Variants in RAPH1 observed in about 807,000 individuals in gnomAD.
The protein encoded by RAPH1 is Ras association (RalGDS/AF-6) and pleckstrin homology domains 1, also known as ras-associated and pleckstrin homology domains-containing protein 1.
In RAPH1, 18 loss-of-function variants were observed where a neutral mutation model predicts 88.1. That is an observed-to-expected ratio of 0.20 (90% CI 0.14 to 0.30). The LOEUF (loss-of-function observed/expected upper bound fraction) is 0.30, where lower values mean the gene tolerates loss of function less well. Among genes scored for constraint, RAPH1 ranks in the 10% least tolerant of loss-of-function variants. The probability of loss-of-function intolerance (pLI) is 1.00; values close to 1 mark genes in which losing one functional copy is unlikely to be tolerated. For synonymous variants in RAPH1, 587 were observed against 559.0 expected (o/e 1.05, Z -0.71); for missense variants, 1,448 against 1,543.2 (o/e 0.94, Z 1.03).
At chr2:203,441,586 T>G (rs1234874690) in intron 13 of RAPH1, 173 bp from the exon 14 acceptor site, 6 of 1,359,174 alleles carry the variant, frequency 4.4e-6, no homozygotes, top group Non-Finnish European at 5.6e-6. Context: ...AAGGCTAAAA[T>G]CTGATTGTGC....
chr2:203,460,309 C>T (rs1446767809), intron 6 of RAPH1, among the ~76,000 whole-genome samples: 1 of 152,152 alleles, frequency 6.6e-6, no homozygotes, highest in Non-Finnish European at 1.5e-5. Context: ...AACATTTTCC[C>T]ATCCCACCCT....
chr2:203,479,564 C>T (rs758310965), intron 4 of RAPH1, among the ~76,000 whole-genome samples: 1 of 149,498 alleles, frequency 6.7e-6, no homozygotes, highest in East Asian at 2.0e-4. Context: ...GCCGAGATGG[C>T]GCCACTGTAT....
intron 1 of RAPH1, among the ~76,000 whole-genome samples, chr2:203,523,764 T>A (rs1689996082): frequency 1.3e-5 from 2 of 152,096 alleles, no homozygotes; most frequent in Non-Finnish European, 2.9e-5. Context: ...CCCAGCACTT[T>A]GGGAGGCCGA....
At chr2:203,469,400 C>T (rs972270365) in intron 4 of RAPH1, among the ~76,000 whole-genome samples, 5 of 152,156 alleles carry the variant, frequency 3.3e-5, no homozygotes, top group African/African-American at 1.2e-4. Flanking sequence ...CTTTGAGCTG[C>T]TTCTTGGGCA....
At chr2:203,522,231 T>C (rs1262168705) in intron 1 of RAPH1, among the ~76,000 whole-genome samples, 2 of 152,332 alleles carry the variant, frequency 1.3e-5, no homozygotes, top group Admixed American at 6.5e-5. Flanking sequence ...TCAGAGTAGA[T>C]GGTCCTGTTA....
chr2:203,478,693 T>C (rs1408775829), intron 4 of RAPH1, among the ~76,000 whole-genome samples: 2 of 152,118 alleles, frequency 1.3e-5, no homozygotes, highest in African/African-American at 4.8e-5. Flanking sequence ...GTCACCATGA[T>C]GGTGAGGCTG....
intron 13 of RAPH1, 48 bp from the exon 14 acceptor site, chr2:203,441,461 C>CA: frequency 6.7e-7 from 1 of 1,487,954 alleles, no homozygotes; most frequent in Non-Finnish European, 8.9e-7. Context: ...ACACAACAAA[C>CA]AAAACAGTTA....
At chr2:203,454,045 C>T (rs1364306283) in intron 10 of RAPH1, among the ~76,000 whole-genome samples, 1 of 152,156 alleles carries the variant, frequency 6.6e-6, no homozygotes, top group Non-Finnish European at 1.5e-5. Context: ...TGAACTTGGA[C>T]ACAGTGCCCT....
chr2:203,499,395 T>G (rs1046474003), intron 1 of RAPH1, among the ~76,000 whole-genome samples: 2 of 152,070 alleles, frequency 1.3e-5, no homozygotes, highest in Non-Finnish European at 2.9e-5. Flanking sequence ...ATTTTCAATT[T>G]GTCCCTATGT....
At chr2:203,441,509 G>A (rs1013293724) in intron 13 of RAPH1, 96 bp from the exon 14 acceptor site, 1 of 1,427,036 alleles carries the variant, frequency 7.0e-7, no homozygotes, top group Non-Finnish European at 9.2e-7. Context: ...TAAAAAGCAG[G>A]GAGTCTGGGA....
intron 1 of RAPH1, among the ~76,000 whole-genome samples, chr2:203,520,134 C>T (rs920041200): frequency 6.6e-6 from 1 of 151,750 alleles, no homozygotes; most frequent in Non-Finnish European, 1.5e-5. Context: ...TCGAGACCAG[C>T]CTGAGAAACA....
chr2:203,477,200 G>A, intron 4 of RAPH1: 1 of 1,442,542 alleles, frequency 6.9e-7, no homozygotes, highest in Non-Finnish European at 9.8e-7. Flanking sequence ...TAAAGGAGGT[G>A]AAACGGGCAG....
chr2:203,467,000 C>CT (rs2098529041), intron 4 of RAPH1, among the ~76,000 whole-genome samples: 1 of 152,066 alleles, frequency 6.6e-6, no homozygotes, highest in Admixed American at 6.5e-5. Flanking sequence ...AATTAAGGGG[C>CT]TAAACAGTGG....
chr2:203,440,720 T>C lies in RAPH1; in HGVS notation c.2470A>G (p.Ile824Val), dbSNP rs1410009864. The C allele has an allele frequency of 6.2e-7, 1 of 1,602,482 alleles. No homozygotes were observed. The highest frequency in any genetic ancestry group is 8.5e-7 in the Non-Finnish European group (1 of 1,174,194). Reference sequence around the variant, plus strand: ...GGAGGGGTAGGGGGAGAGGGTGGAATGTAAGAAGCAGGGAAAGCTGGCTGC... The same window carrying C: ...GGAGGGGTAGGGGGAGAGGGTGGAACGTAAGAAGCAGGGAAAGCTGGCTGC... Reference protein sequence around the residue: ...KKQPAFPASYIPPSPPTPPVP... With the variant: ...KKQPAFPASYVPPSPPTPPVP... The change falls in exon 14 of 14, where the codon ATT becomes GTT. Residue 824 changes from isoleucine (I) to valine (V), a missense_variant. Transcript: ENST00000319170.
chr2:203,443,162 G>A (rs536762314), intron 13 of RAPH1: 1 of 152,076 alleles, frequency 6.6e-6, no homozygotes, highest in Non-Finnish European at 1.5e-5. Context: ...CCCAGTTAGT[G>A]AACCACATAT....
In RAPH1 at chr2:203,479,407, C is replaced by T. The variant is rs1687618198; in HGVS notation, c.732+10177G>A. ...TCACTTGAGGTCAGGAGTTCAAGAA[C>T]AGCCTGGCCAACATAGTGAAACTCC... is the stretch of plus-strand genomic sequence containing the variant. On this transcript the variant is annotated intron_variant, in intron 4 of 13. Coordinates refer to ENST00000319170, the MANE Select transcript of RAPH1 (RefSeq NM_213589.3). 3.3e-5 allele frequency among the ~76,000 whole-genome samples: 5 copies of T among 152,102 alleles called. No individual in the cohort carries two copies. The South Asian group carries it at 1.0e-3, about 32-fold the overall frequency.
rs566653614 is a variant in RAPH1 at position 203,472,299 on chromosome 2, A to T, written c.733-10374T>A. ...AGGCATGGGCCACCACACTCGGCTA[A>T]TTTTGTATTTTTATTAGAGACAGAG... On this transcript the variant is annotated intron_variant, in intron 4 of 13. Coordinates refer to ENST00000319170, the MANE Select transcript of RAPH1 (RefSeq NM_213589.3). Among the ~76,000 whole-genome samples the T allele has an allele frequency of 7.2e-5, 11 of 152,070 alleles. No individual in the cohort carries two copies. In the East Asian group the frequency reaches 1.4e-3, roughly 19 times the overall value.
intron 4 of RAPH1, among the ~76,000 whole-genome samples, chr2:203,478,485 G>GT (rs145000897): frequency 0.015 from 2,302 of 149,672 alleles, 66 homozygotes; most frequent in African/African-American, 0.053. Context: ...ATCATTTTTT[G>GT]TTTTTTTTTG....
At chr2:203,513,278 TG>T (rs1484998371) in intron 1 of RAPH1, among the ~76,000 whole-genome samples, 2 of 151,958 alleles carry the variant, frequency 1.3e-5, no homozygotes, top group Non-Finnish European at 2.9e-5. Flanking sequence ...ATTCTATTTT[TG>T]TCTGAATTTC....
Sources: gnomAD v4.1 joint callset for allele counts (sites outside exome capture counted in the v4.1 genomes callset) on GRCh38, gnomAD v4.1.1 for gene constraint, MANE v1.5 for transcripts, NCBI Gene and HGNC (gene_info 2026-07-23, HGNC 2026-07-21) for gene names.